The following RP1L1 variants were observed in gnomAD, a reference collection of about 807,000 sequenced individuals.
The protein encoded by RP1L1 is RP1 like 1, also known as retinitis pigmentosa 1-like 1 protein.
A neutral mutation model predicts 15.7 loss-of-function variants in RP1L1; 27 were observed. The observed-to-expected ratio is 1.72, with a 90% confidence interval of 1.27 to 2.38. RP1L1 has a LOEUF of 2.38. Among genes scored for constraint, RP1L1 ranks in the 30% most tolerant of loss-of-function variants. The probability of loss-of-function intolerance (pLI) is 0.00; values close to 1 mark genes in which losing one functional copy is unlikely to be tolerated. For synonymous variants in RP1L1, 1,813 were observed against 1,276.7 expected (o/e 1.42, Z -8.96); for missense variants, 4,798 against 3,075.9 (o/e 1.56, Z -13.24).
chr8:10,626,246 G>T (rs1285772657), intron 1 of RP1L1, among the ~76,000 whole-genome samples: 2 of 64,126 alleles, frequency 3.1e-5, no homozygotes, highest in East Asian at 8.3e-4. Context: ...GCGGGAGGAT[G>T]GGGGAGGCTG....
At chr8:10,641,492 G>T (rs1050964959) in intron 1 of RP1L1, among the ~76,000 whole-genome samples, 1 of 152,188 alleles carries the variant, frequency 6.6e-6, no homozygotes, top group Non-Finnish European at 1.5e-5. Context: ...GAACAAAAAC[G>T]AAATACACAT....
chr8:10,629,835 T>C (rs998869251), intron 1 of RP1L1, among the ~76,000 whole-genome samples: 1 of 150,588 alleles, frequency 6.6e-6, no homozygotes, highest in African/African-American at 2.4e-5. Context: ...CTGTGGGCCC[T>C]GGAGTTTGAC....
At position 10,610,555 on chromosome 8, in the gene RP1L1, C is replaced by G; in HGVS notation, c.3543G>C (p.Leu1181=). 1 of 1,613,728 alleles carries G rather than the reference C, an allele frequency of 6.2e-7. No homozygotes were observed. The highest frequency in any genetic ancestry group is 1.7e-5 in the Admixed American group (1 of 60,036). Residue 1181 remains leucine (L), a synonymous_variant, in exon 4 of 4, where the codon CTG becomes CTC. Coordinates refer to ENST00000382483, the MANE Select transcript of RP1L1 (RefSeq NM_178857.6). ...GLWELTWSQA[L]PDLGSHAMTE... ...TCATGGCATGGGACCCAAGGTCTGG[C>G]AGAGCCTGGCTCCATGTGAGCTCCC...
chr8:10,630,085 C>T (rs981376174), intron 1 of RP1L1, among the ~76,000 whole-genome samples: 5 of 152,316 alleles, frequency 3.3e-5, no homozygotes, highest in Non-Finnish European at 5.9e-5. Flanking sequence ...GTCATGAGGG[C>T]GTAGTCAAGT....
chr8:10,624,244 T>C (rs1798121682), intron 1 of RP1L1, among the ~76,000 whole-genome samples: 1 of 152,242 alleles, frequency 6.6e-6, no homozygotes, highest in Admixed American at 6.5e-5. Context: ...TGCATCAGGC[T>C]CTGGGTGGCA....
In RP1L1 at chr8:10,639,329, C is replaced by T. The variant is rs558435966; in HGVS notation, c.-20+15569G>A. Reference sequence around the variant, plus strand: ...GAATCTGCCCGCGTGGCTCTATCCTCCGTGTGTTAACCTGTCCTGCCTCTT... The same window carrying T: ...GAATCTGCCCGCGTGGCTCTATCCTTCGTGTGTTAACCTGTCCTGCCTCTT... On this transcript the variant is annotated intron_variant, in intron 1 of 3. Transcript: ENST00000382483. Among the ~76,000 whole-genome samples, 6 of 152,202 alleles carry T rather than the reference C, an allele frequency of 3.9e-5. No homozygotes were observed. In the South Asian group the frequency reaches 8.3e-4, roughly 21 times the overall value.
rs966321456 is a variant in RP1L1 at position 10,611,835 on chromosome 8, G to A, written c.2263C>T (p.His755Tyr). ...GCCCACCCGGCAGAGGGAGCGTTGT[G>A]CGGGGAGACTCCAGAAACAAAATCC... ...HSDFVSGVSP[H>Y]NAPSAGWAGD... is the part of the protein sequence containing the mutation. The change falls in exon 4 of 4, where the codon CAC becomes TAC. Residue 755 changes from histidine to tyrosine, a missense_variant. His to Tyr is a moderately conservative substitution (Grantham distance 83, BLOSUM62 2). Coordinates refer to ENST00000382483, the MANE Select transcript of RP1L1 (RefSeq NM_178857.6). 5.6e-6 allele frequency: 9 copies of A among 1,613,724 alleles called. No homozygotes were observed. Among genetic ancestry groups the A allele is most frequent in the Non-Finnish European group, 6.8e-6 (8 of 1,180,030 alleles).
intron 1 of RP1L1, among the ~76,000 whole-genome samples, chr8:10,648,691 G>A (rs893665813): frequency 6.6e-6 from 1 of 152,216 alleles, no homozygotes; most frequent in African/African-American, 2.4e-5. Context: ...AAGGCAATGA[G>A]ATCCAGTTGG....
chr8:10,619,423 T>C (rs1354995161), intron 2 of RP1L1, among the ~76,000 whole-genome samples: 1 of 152,134 alleles, frequency 6.6e-6, no homozygotes, highest in Non-Finnish European at 1.5e-5. Context: ...ATCTTCCCAT[T>C]TGGGATCCCA....
chr8:10,648,308 AG>A (rs777712819), intron 1 of RP1L1, among the ~76,000 whole-genome samples: 6 of 152,142 alleles, frequency 3.9e-5, no homozygotes, highest in Non-Finnish European at 8.8e-5. Flanking sequence ...CTGGGATTAC[AG>A]GTGTGAGCCA....
chr8:10,616,007 G>A (rs1797958336), intron 3 of RP1L1, among the ~76,000 whole-genome samples: 1 of 151,620 alleles, frequency 6.6e-6, no homozygotes, highest in African/African-American at 2.4e-5. Flanking sequence ...TAGGCTCAAG[G>A]GATCCTCCCA....
intron 2 of RP1L1, among the ~76,000 whole-genome samples, chr8:10,619,506 G>T (rs769073816): frequency 5.3e-5 from 8 of 152,118 alleles, no homozygotes; most frequent in Non-Finnish European, 7.4e-5. Context: ...TCATTTCCTA[G>T]ACATCCCTGA....
At chr8:10,627,860 C>G (rs932074424) in intron 1 of RP1L1, among the ~76,000 whole-genome samples, 1 of 152,094 alleles carries the variant, frequency 6.6e-6, no homozygotes, top group African/African-American at 2.4e-5. Flanking sequence ...AGCAAGTAGG[C>G]AAAGAGGGCT....
At chr8:10,648,906 T>G (rs1371207453) in intron 1 of RP1L1, among the ~76,000 whole-genome samples, 1 of 152,250 alleles carries the variant, frequency 6.6e-6, no homozygotes, top group Non-Finnish European at 1.5e-5. Context: ...CCTCACGGCT[T>G]TCCCATGATG....
chr8:10,625,116 G>T (rs1195762151), intron 1 of RP1L1, among the ~76,000 whole-genome samples: 2 of 152,228 alleles, frequency 1.3e-5, no homozygotes, highest in African/African-American at 4.8e-5. Flanking sequence ...TCGCGTATCA[G>T]TCACTTTTCC....
At position 10,609,681 on chromosome 8, in the gene RP1L1, G is replaced by A. The variant is rs1176337663; in HGVS notation, c.4417C>T (p.Leu1473Phe). Residue 1473 changes from leucine to phenylalanine, a missense_variant, in exon 4 of 4, where the codon CTT (leucine) becomes TTT (phenylalanine). Physicochemically the swap from Leu to Phe is conservative, Grantham distance 22. Transcript: ENST00000382483. The part of the protein sequence containing the change: ...SASERQSGSQ[L>F]EPGLEKPPGA... ...GGCGGCTTTTCCAAACCAGGCTCAA[G>A]CTGGGAGCCACTCTGCCTCTCGCTG... is the stretch of plus-strand genomic sequence containing the variant. 6.2e-7 allele frequency: 1 copy of A among 1,612,518 alleles called. No individual in the cohort carries two copies. Among genetic ancestry groups the A allele is most frequent in the Non-Finnish European group, 8.5e-7 (1 of 1,180,010 alleles).
Position 10,612,588 on chromosome 8 carries a change from C to G in RP1L1, c.1510G>C (p.Gly504Arg). The G allele has an allele frequency of 6.2e-7, 1 of 1,604,458 alleles. No individual in the cohort carries two copies. The highest frequency in any genetic ancestry group is 8.5e-7 in the Non-Finnish European group (1 of 1,179,462). ...KAGGSLGEDP[G>R]LCIDGAGLGG... is the part of the protein sequence containing the mutation. ...AGCCCTGCTCCATCTATGCATAGGCCGGGGTCCTCACCCAGGCTCCCTCCA... is the reference window on the plus strand; with the variant it reads ...AGCCCTGCTCCATCTATGCATAGGCGGGGGTCCTCACCCAGGCTCCCTCCA... The change falls in exon 4 of 4, where the codon GGC becomes CGC. Residue 504 changes from glycine (G) to arginine (R), a missense_variant. Coordinates refer to ENST00000382483, the MANE Select transcript of RP1L1 (RefSeq NM_178857.6).
chr8:10,613,254 T>C lies in RP1L1; in HGVS notation c.844A>G (p.Asn282Asp). The change falls in exon 4 of 4, where the codon AAC (asparagine) becomes GAC (aspartate). Residue 282 changes from asparagine (N) to aspartate (D), a missense_variant. Transcript: ENST00000382483. ...PRLPERPGPSNPPVGPAPGRH... is the reference protein window; with the variant it reads ...PRLPERPGPSDPPVGPAPGRH... ...CCAGGAGCAGGGCCCACCGGGGGGT[T>C]GCTAGGACCAGGCCTTTCTGGCAGC... 1 of 1,611,340 alleles carries C rather than the reference T, an allele frequency of 6.2e-7. No homozygotes were observed. Among genetic ancestry groups the C allele is most frequent in the East Asian group, 2.2e-5 (1 of 44,876 alleles).
chr8:10,636,623 T>C (rs1798334028), intron 1 of RP1L1, among the ~76,000 whole-genome samples: 1 of 152,108 alleles, frequency 6.6e-6, no homozygotes, highest in Non-Finnish European at 1.5e-5. Context: ...GAAGAACTGT[T>C]GTTTTAACTG....
Sources: gnomAD v4.1 joint callset for allele counts (sites outside exome capture counted in the v4.1 genomes callset) on GRCh38, gnomAD v4.1.1 for gene constraint, MANE v1.5 for transcripts, NCBI Gene and HGNC (gene_info 2026-07-23, HGNC 2026-07-21) for gene names.